MAMDC2: variants seen among roughly 807,000 people sequenced by gnomAD.
MAMDC2 encodes the protein MAM domain-containing protein 2.
Under a neutral mutation model 89.8 loss-of-function variants are expected in MAMDC2, and 57 were observed. The observed-to-expected ratio is 0.63, with a 90% CI of 0.51 to 0.79. The LOEUF is 0.79. Ranked by LOEUF, MAMDC2 falls within the 30% of genes least tolerant of loss-of-function variation. The probability of loss-of-function intolerance (pLI) is 0.00; values close to 1 mark genes in which losing one functional copy is unlikely to be tolerated. For missense variants in MAMDC2, 800 were observed against 820.6 expected, an observed-to-expected ratio of 0.97 and a Z score of 0.31; for synonymous variants, 313 against 293.4, an observed-to-expected ratio of 1.07 and a Z score of -0.68.
intron 11 of MAMDC2, among the ~76,000 whole-genome samples, chr9:70,189,067 G>A (rs1224850570): frequency 6.6e-6 from 1 of 152,006 alleles, no homozygotes; most frequent in Non-Finnish European, 1.5e-5. Flanking sequence ...GCTTTATGCA[G>A]TTGGTTGTCT....
chr9:70,221,362 T>G (rs1291771657), intron 12 of MAMDC2, among the ~76,000 whole-genome samples: 10 of 9,214 alleles, frequency 1.1e-3, no homozygotes, highest in African/African-American at 3.6e-3. Flanking sequence ...AACAAATATA[T>G]ATATATATAT....
intron 11 of MAMDC2, among the ~76,000 whole-genome samples, chr9:70,193,413 C>T (rs984740598): frequency 1.3e-5 from 2 of 152,020 alleles, no homozygotes; most frequent in African/African-American, 2.4e-5. Context: ...AATATTAAAA[C>T]ACTGAATAAA....
At chr9:70,085,555 C>T (rs1234494624) in intron 2 of MAMDC2, among the ~76,000 whole-genome samples, 5 of 152,066 alleles carry the variant, frequency 3.3e-5, no homozygotes, top group African/African-American at 7.2e-5. Flanking sequence ...CTAATCCTGA[C>T]GCCATCTGTG....
intron 7 of MAMDC2, among the ~76,000 whole-genome samples, chr9:70,136,527 AC>A (rs1327536000): frequency 2.0e-5 from 3 of 151,808 alleles, no homozygotes; most frequent in Non-Finnish European, 4.4e-5. Context: ...GCCACCTTCC[AC>A]CCCCTCCCAC....
At chr9:70,112,142 C>T (rs189441430) in intron 4 of MAMDC2, among the ~76,000 whole-genome samples, 19 of 152,260 alleles carry the variant, frequency 1.2e-4, no homozygotes, top group East Asian at 3.9e-4. Context: ...AGAAGAGCAA[C>T]GTGGATCCGC....
At chr9:70,095,277 T>C (rs181730099) in intron 2 of MAMDC2, among the ~76,000 whole-genome samples, 3 of 152,278 alleles carry the variant, frequency 2.0e-5, no homozygotes, top group Admixed American at 1.3e-4. Flanking sequence ...TGTGAGCAGA[T>C]TGGCATAACA....
chr9:70,122,222 G>A (rs142046412), intron 5 of MAMDC2, among the ~76,000 whole-genome samples: 36 of 152,306 alleles, frequency 2.4e-4, no homozygotes, highest in African/African-American at 7.9e-4. Flanking sequence ...AGCAGTCTTG[G>A]TCTTATTCCC....
At chr9:70,119,142 C>T (rs1467255967) in intron 5 of MAMDC2, among the ~76,000 whole-genome samples, 1 of 149,582 alleles carries the variant, frequency 6.7e-6, no homozygotes, top group African/African-American at 2.5e-5. Context: ...CAGGAGGTAA[C>T]CTACTGACAG....
At chr9:70,181,874 C>G (rs1437526161) in intron 11 of MAMDC2, among the ~76,000 whole-genome samples, 1 of 152,128 alleles carries the variant, frequency 6.6e-6, no homozygotes, top group East Asian at 1.9e-4. Context: ...TTGCCCTGGA[C>G]AGAACTTCCA....
intron 6 of MAMDC2, 56 bp from the exon 7 acceptor site, chr9:70,131,463 C>A: frequency 1.5e-6 from 2 of 1,297,108 alleles, no homozygotes; most frequent in Non-Finnish European, 2.2e-6. Context: ...ATTAAGAGCA[C>A]TTAAGCCAAA....
At chr9:70,134,346 C>T (rs2030925855) in intron 7 of MAMDC2, among the ~76,000 whole-genome samples, 1 of 145,350 alleles carries the variant, frequency 6.9e-6, no homozygotes, top group South Asian at 2.3e-4. Flanking sequence ...CCTTCTCCAT[C>T]CCTTTGCCCC....
intron 2 of MAMDC2, among the ~76,000 whole-genome samples, chr9:70,076,420 C>CA (rs747236748): frequency 0.063 from 7,823 of 124,520 alleles, 235 homozygotes; most frequent in Non-Finnish European, 0.093. Context: ...GACTCTGCCT[C>CA]AAAAAAAAAA....
intron 11 of MAMDC2, among the ~76,000 whole-genome samples, chr9:70,192,503 C>T (rs886321698): frequency 1.3e-4 from 20 of 152,066 alleles, no homozygotes; most frequent in Non-Finnish European, 4.4e-5. Flanking sequence ...TCTAAGATTA[C>T]CTTATTCCAC....
chr9:70,132,553 G>A (rs968039692), intron 7 of MAMDC2, among the ~76,000 whole-genome samples: 9 of 151,194 alleles, frequency 6.0e-5, no homozygotes, highest in South Asian at 2.1e-4. Flanking sequence ...TTTTTGGGAA[G>A]GGGAATTGGG....
At chr9:70,084,848 C>G (rs770611458) in intron 2 of MAMDC2, among the ~76,000 whole-genome samples, 2 of 151,150 alleles carry the variant, frequency 1.3e-5, no homozygotes, top group East Asian at 4.0e-4. Flanking sequence ...CAGTACGTGG[C>G]CAGAAAGGGG....
intron 2 of MAMDC2, among the ~76,000 whole-genome samples, chr9:70,045,539 G>A (rs1826727043): frequency 6.6e-6 from 1 of 152,030 alleles, no homozygotes; most frequent in Non-Finnish European, 1.5e-5. Context: ...TAAAAAACAT[G>A]GTACCCTAGA....
At position 70,170,631 on chromosome 9, in the gene MAMDC2, G is replaced by A. The variant is rs751670466; in HGVS notation, c.1651G>A (p.Gly551Ser). The change falls in exon 11 of 14, where the codon GGC (glycine) becomes AGC (serine). Residue 551 changes from glycine (G) to serine (S), a missense_variant and splice_region_variant. Transcript: ENST00000377182. ...GPKGDHTTGV[G>S]YYMYIEASHM... Reference sequence around the variant, plus strand: ...AAAGGGAGATCACACTACTGGGGTAGGTGAGTTATGCCACGTGGTGCTGTT... The same window carrying A: ...AAAGGGAGATCACACTACTGGGGTAAGTGAGTTATGCCACGTGGTGCTGTT... The A allele has an allele frequency of 1.3e-6, 2 of 1,590,164 alleles. No homozygotes were observed. The highest frequency in any genetic ancestry group is 4.5e-5 in the East Asian group (2 of 43,960).
intron 9 of MAMDC2, among the ~76,000 whole-genome samples, chr9:70,149,586 T>C (rs961590278): frequency 2.6e-5 from 4 of 152,172 alleles, no homozygotes; most frequent in African/African-American, 9.7e-5. Context: ...TTTCCACAGA[T>C]TATTAACAAG....
At chr9:70,207,767 C>G (rs868381491) in intron 11 of MAMDC2, among the ~76,000 whole-genome samples, 139 of 152,252 alleles carry the variant, frequency 9.1e-4, no homozygotes, top group African/African-American at 3.2e-3. Context: ...GGTTTTAGGT[C>G]TAACATTTAA....
Sources: gnomAD v4.1 joint callset for allele counts (sites outside exome capture counted in the v4.1 genomes callset) on GRCh38, gnomAD v4.1.1 for gene constraint, MANE v1.5 for transcripts, NCBI Gene and HGNC (gene_info 2026-07-23, HGNC 2026-07-21) for gene names.